NUP210L: variants seen among roughly 807,000 people sequenced by gnomAD.
NUP210L encodes the protein nucleoporin 210 like.
In NUP210L, 74 loss-of-function variants were observed where a neutral mutation model predicts 208.5. The ratio of observed to expected loss-of-function variants is 0.35; its 90% CI spans 0.29 to 0.43. NUP210L has a LOEUF of 0.43. NUP210L is among the 20% of genes least tolerant of loss of function. The pLI, the probability that NUP210L is intolerant of heterozygous loss-of-function variation, is 1.00. For synonymous variants in NUP210L, 780 were observed against 816.9 expected, an observed-to-expected ratio of 0.95 and a Z score of 0.77; for missense variants, 1,843 against 2,289.4, an observed-to-expected ratio of 0.81 and a Z score of 3.98.
chr1:153,994,780 G>A (rs1035084462), intron 38 of NUP210L, among the ~76,000 whole-genome samples: 51 of 151,376 alleles, frequency 3.4e-4, no homozygotes, highest in Non-Finnish European at 5.3e-4. Flanking sequence ...TTGGGAGGCC[G>A]AGGCGGGTGG....
chr1:154,138,660 G>T (rs1261564340), intron 5 of NUP210L, among the ~76,000 whole-genome samples: 1 of 152,110 alleles, frequency 6.6e-6, no homozygotes, highest in African/African-American at 2.4e-5. Context: ...AAGGTTGGTA[G>T]GCTTCTCTCT....
chr1:154,135,752 G>T, intron 7 of NUP210L, 62 bp downstream of exon 7: 1 of 1,417,992 alleles, frequency 7.1e-7, no homozygotes, highest in Non-Finnish European at 9.9e-7. Flanking sequence ...TTTTACCAAA[G>T]AACATGTCTA....
chr1:154,025,604 C>T (rs200711110), exon 30 of NUP210L: 3 of 1,613,944 alleles, frequency 1.9e-6, no homozygotes, highest in East Asian at 2.2e-5. Context: ...ACTTCCAATA[C>T]AGCAGTACCT....
At chr1:153,996,910 G>T (rs1017267954) in intron 37 of NUP210L, among the ~76,000 whole-genome samples, 6 of 148,084 alleles carry the variant, frequency 4.1e-5, no homozygotes, top group African/African-American at 1.5e-4. Context: ...TGCAGTCATG[G>T]CTTACTGCAG....
intron 29 of NUP210L, among the ~76,000 whole-genome samples, chr1:154,027,080 C>CAAAAAAGAA (rs1651924606): frequency 9.8e-6 from 1 of 101,754 alleles, no homozygotes; most frequent in South Asian, 3.2e-4. Context: ...GAGACTGTCT[C>CAAAAAAGAA]AAAAAAAAAA....
intron 2 of NUP210L, among the ~76,000 whole-genome samples, chr1:154,150,470 G>T (rs184872468): frequency 2.5e-3 from 385 of 152,232 alleles, no homozygotes; most frequent in African/African-American, 8.8e-3. Context: ...GCTCACGCCT[G>T]TAATCCCAGC....
intron 23 of NUP210L, among the ~76,000 whole-genome samples, chr1:154,055,097 C>A (rs1557943826): frequency 6.8e-6 from 1 of 146,582 alleles, no homozygotes; most frequent in Non-Finnish European, 1.5e-5. Flanking sequence ...TCCTTTCCTT[C>A]TCTTTCTTTT....
intron 16 of NUP210L, among the ~76,000 whole-genome samples, chr1:154,082,369 T>C (rs921488541): frequency 1.1e-4 from 17 of 152,182 alleles, no homozygotes; most frequent in African/African-American, 4.1e-4. Flanking sequence ...ATTAAAAAGA[T>C]GTAACAATTG....
At chr1:154,034,784 C>T (rs963084412) in intron 27 of NUP210L, among the ~76,000 whole-genome samples, 2 of 150,196 alleles carry the variant, frequency 1.3e-5, no homozygotes, top group African/African-American at 4.9e-5. Flanking sequence ...TGGCTCATAG[C>T]AGCCTTAATG....
rs181642481 is a variant in NUP210L, at chr1:154,038,534, G to A, written c.3696+7535C>T. 7.6e-4 allele frequency among the ~76,000 whole-genome samples: 116 copies of A among 151,862 alleles called. 1 individual carries two copies. The highest frequency in any genetic ancestry group is 2.7e-3 in the African/African-American group (111 of 41,426). The stretch of plus-strand genomic sequence containing the variant: ...ATTTTTGTATTTTTTTAGTAGAGAC[G>A]GGGTTTCACCATGTTGGTCAGGCTG... On this transcript the variant is annotated intron_variant, in intron 27 of 39. Coordinates refer to ENST00000368559, the Ensembl canonical transcript of NUP210L.
chr1:154,001,142 G>T, intron 36 of NUP210L, 82 bp from the exon 37 acceptor site: 1 of 1,059,018 alleles, frequency 9.4e-7, no homozygotes, highest in Non-Finnish European at 1.4e-6. Context: ...AACATATACA[G>T]TACAATAATT....
chr1:154,026,245 A>C (rs1345039893), intron 29 of NUP210L, among the ~76,000 whole-genome samples: 1 of 152,166 alleles, frequency 6.6e-6, no homozygotes, highest in East Asian at 1.9e-4. Flanking sequence ...TCAAAAAAAT[A>C]ATTATTCAGC....
chr1:154,140,151 G>A (rs1314045498), intron 4 of NUP210L, among the ~76,000 whole-genome samples, 199 bp from the exon 5 acceptor site: 2 of 152,048 alleles, frequency 1.3e-5, no homozygotes, highest in East Asian at 3.9e-4. Context: ...AGGAATTTGA[G>A]ACCAGCCAGG....
chr1:154,023,840 G>A (rs1306706555), intron 30 of NUP210L, among the ~76,000 whole-genome samples: 1 of 150,962 alleles, frequency 6.6e-6, no homozygotes, highest in African/African-American at 2.4e-5. Context: ...CCAGGCTGGA[G>A]TGCAGTGGTG....
chr1:154,112,231 C>T (rs1324775390), intron 12 of NUP210L, among the ~76,000 whole-genome samples: 1 of 152,026 alleles, frequency 6.6e-6, no homozygotes, highest in Non-Finnish European at 1.5e-5. Context: ...CTGGCCTCAA[C>T]AACACATTTT....
intron 2 of NUP210L, among the ~76,000 whole-genome samples, chr1:154,149,878 A>G (rs1200443501): frequency 1.3e-5 from 2 of 152,212 alleles, no homozygotes; most frequent in Admixed American, 6.5e-5. Context: ...TACTACAGGT[A>G]CACTTCAGTT....
At chr1:154,132,097 G>A (rs1343638176) in intron 7 of NUP210L, among the ~76,000 whole-genome samples, 3 of 152,136 alleles carry the variant, frequency 2.0e-5, no homozygotes, top group African/African-American at 7.2e-5. Context: ...ATGAGCCACT[G>A]TGCCCATCCT....
At chr1:154,061,036 T>C in exon 19 of NUP210L, 1 of 1,610,234 alleles carries the variant, frequency 6.2e-7, no homozygotes, top group Non-Finnish European at 8.5e-7. Flanking sequence ...TCTGGGCAAG[T>C]TGGAAATTTC....
At chr1:154,015,444 G>C (rs1329617929) in intron 33 of NUP210L, among the ~76,000 whole-genome samples, 13 of 152,010 alleles carry the variant, frequency 8.6e-5, no homozygotes, top group Admixed American at 8.5e-4. Flanking sequence ...AAATTGGCTG[G>C]GCACAGTGGC....
Sources: allele counts gnomAD v4.1 joint callset (sites outside exome capture counted in the v4.1 genomes callset), GRCh38; gene constraint gnomAD v4.1.1; transcripts MANE v1.5; gene names NCBI Gene and HGNC (gene_info 2026-07-23, HGNC 2026-07-21).